The following CPEB1 variants were observed in gnomAD, a reference collection of about 807,000 sequenced individuals.
CPEB1 encodes cytoplasmic polyadenylation element-binding protein 1.
CPEB1 carries 7 observed loss-of-function variants against 65.8 expected under a neutral mutation model. That is an observed-to-expected ratio of 0.11 (90% confidence interval 0.06 to 0.20). CPEB1 has a LOEUF of 0.20. CPEB1 is among the 10% of genes least tolerant of loss of function. CPEB1 has a pLI of 1.00. For missense variants in CPEB1, 551 were observed against 712.2 expected (o/e 0.77, Z 2.58); for synonymous variants, 262 against 260.0 (o/e 1.01, Z -0.08).
chr15:82,642,837 ATGATTCTTT>A (rs2047216612), intron 1 of CPEB1, among the ~76,000 whole-genome samples: 1 of 152,212 alleles, frequency 6.6e-6, no homozygotes, highest in Non-Finnish European at 1.5e-5. Flanking sequence ...ATTTGATCCC[ATGATTCTTT>A]TACTGCCTCC....
intron 1 of CPEB1, chr15:82,633,030 C>G (rs186454112): frequency 2.6e-5 from 4 of 152,282 alleles, no homozygotes; most frequent in Admixed American, 2.6e-4. Flanking sequence ...CTACTATTGC[C>G]TGACAGTTCC....
Position 82,556,129 on chromosome 15 carries a change from G to C in CPEB1, c.688-7C>G, listed in dbSNP as rs769985133. ...GAGAAATGCGAAGGCTTGACTAGGG[G>C]AGGAAAAAGGAAGACAGGGTTTTAA... On this transcript the variant is annotated splice_polypyrimidine_tract_variant and splice_region_variant and intron_variant, in intron 5 of 12. Transcript: ENST00000684509. The C allele has an allele frequency of 6.3e-7, 1 of 1,587,136 alleles. No individual in the cohort carries two copies. The highest frequency in any genetic ancestry group is 8.5e-7 in the Non-Finnish European group (1 of 1,171,888).
intron 3 of CPEB1, among the ~76,000 whole-genome samples, chr15:82,599,145 A>AG (rs1476946375): frequency 6.6e-6 from 1 of 151,478 alleles, no homozygotes; most frequent in Non-Finnish European, 1.5e-5. Context: ...TGAAAAACTT[A>AG]ATAATGAGGT....
At chr15:82,565,026 G>T (rs1447332836) in intron 4 of CPEB1, among the ~76,000 whole-genome samples, 1 of 152,200 alleles carries the variant, frequency 6.6e-6, no homozygotes, top group Non-Finnish European at 1.5e-5. Context: ...TGGGATGTCA[G>T]CATCTCCATG....
At chr15:82,545,409 T>G (rs2035006513) in intron 12 of CPEB1, among the ~76,000 whole-genome samples, 1 of 152,176 alleles carries the variant, frequency 6.6e-6, no homozygotes, top group African/African-American at 2.4e-5. Flanking sequence ...TTAAACAAAA[T>G]TTAAAAAGCA....
chr15:82,581,668 A>AT (rs1227209268), intron 3 of CPEB1, among the ~76,000 whole-genome samples: 2 of 152,122 alleles, frequency 1.3e-5, no homozygotes, highest in African/African-American at 2.4e-5. Flanking sequence ...TGCGGTGTAC[A>AT]TTTTTTTTAA....
chr15:82,546,332 T>C, intron 12 of CPEB1, 109 bp downstream of exon 12: 1 of 823,346 alleles, frequency 1.2e-6, no homozygotes, highest in Middle Eastern at 2.4e-4. Context: ...CTGGTCCTCC[T>C]GATCCGCCCA....
chr15:82,611,332 T>A (rs565314525), intron 3 of CPEB1, among the ~76,000 whole-genome samples: 1 of 152,150 alleles, frequency 6.6e-6, no homozygotes, highest in African/African-American at 2.4e-5. Context: ...TGACTTACAA[T>A]AGCATGAAAA....
intron 4 of CPEB1, among the ~76,000 whole-genome samples, chr15:82,562,599 G>C (rs994883566): frequency 6.6e-6 from 1 of 152,122 alleles, no homozygotes; most frequent in African/African-American, 2.4e-5. Flanking sequence ...CAGTACCTTG[G>C]GGGACTGAGG....
intron 3 of CPEB1, among the ~76,000 whole-genome samples, chr15:82,610,958 C>CA (rs60065545): frequency 0.029 from 868 of 29,966 alleles, 240 homozygotes; most frequent in Non-Finnish European, 0.037. Context: ...ACTCCAGTCT[C>CA]AAAAAAAAAA....
intron 12 of CPEB1, among the ~76,000 whole-genome samples, chr15:82,545,256 G>A (rs150675773): frequency 1.3e-5 from 2 of 152,108 alleles, no homozygotes; most frequent in African/African-American, 4.8e-5. Context: ...TAAAAGCCTC[G>A]TAGATGAGGC....
At chr15:82,602,227 C>T (rs2043180443) in intron 3 of CPEB1, among the ~76,000 whole-genome samples, 1 of 152,092 alleles carries the variant, frequency 6.6e-6, no homozygotes, top group South Asian at 2.1e-4. Context: ...TCCCAAATAC[C>T]TGAAAGCTGT....
intron 3 of CPEB1, among the ~76,000 whole-genome samples, chr15:82,597,538 A>G (rs997130818): frequency 6.6e-6 from 1 of 152,212 alleles, no homozygotes; most frequent in Admixed American, 6.5e-5. Context: ...CCAAGGAAAA[A>G]CATGTTTTAC....
intron 3 of CPEB1, among the ~76,000 whole-genome samples, chr15:82,588,601 A>G (rs576732172): frequency 6.6e-6 from 1 of 152,294 alleles, no homozygotes; most frequent in East Asian, 1.9e-4. Context: ...TGCTTCTAGT[A>G]GTTTTTATTT....
chr15:82,648,180 C>T (rs1390869438), upstream of CPEB1: 6 of 320,568 alleles, frequency 1.9e-5, no homozygotes, highest in Non-Finnish European at 3.4e-5. Context: ...CACAGCTGCC[C>T]CCTGGGGGGC....
intron 6 of CPEB1, among the ~76,000 whole-genome samples, chr15:82,555,230 A>C (rs755618948): frequency 1.3e-5 from 2 of 152,250 alleles, no homozygotes; most frequent in Non-Finnish European, 2.9e-5. Flanking sequence ...TATGTTTCCC[A>C]GGCTGGGCAA....
intron 3 of CPEB1, among the ~76,000 whole-genome samples, chr15:82,579,869 G>A (rs1263383165): frequency 4.0e-5 from 5 of 123,826 alleles, no homozygotes; most frequent in African/African-American, 6.2e-5. Context: ...CCGACATTGC[G>A]CCACTGCAGT....
chr15:82,627,022 T>C (rs897399277), intron 3 of CPEB1, among the ~76,000 whole-genome samples, 171 bp downstream of exon 3: 2 of 152,176 alleles, frequency 1.3e-5, no homozygotes, highest in Non-Finnish European at 2.9e-5. Flanking sequence ...TCAAAGGCAG[T>C]CTTCACCCAG....
chr15:82,631,698 T>C (rs998152760), intron 1 of CPEB1, among the ~76,000 whole-genome samples: 1 of 152,152 alleles, frequency 6.6e-6, no homozygotes, highest in Non-Finnish European at 1.5e-5. Flanking sequence ...GGCAACTATT[T>C]CTCTGAAGAC....
Sources: gnomAD v4.1 joint callset for allele counts (sites outside exome capture counted in the v4.1 genomes callset) on GRCh38, gnomAD v4.1.1 for gene constraint, MANE v1.5 for transcripts, NCBI Gene and HGNC (gene_info 2026-07-23, HGNC 2026-07-21) for gene names.